LAMB2: variants seen among roughly 807,000 people sequenced by gnomAD.
LAMB2 encodes laminin subunit beta-2.
Under a neutral mutation model 202.7 loss-of-function variants are expected in LAMB2, and 119 were observed. The observed-to-expected ratio is 0.59, with a 90% CI of 0.51 to 0.68. The LOEUF (loss-of-function observed/expected upper bound fraction) is 0.68. Among genes scored for constraint, LAMB2 ranks in the 30% least tolerant of loss-of-function variants. LAMB2 has a pLI of 0.00. For synonymous variants in LAMB2, 818 were observed against 902.2 expected (o/e 0.91, Z 1.67); for missense variants, 2,124 against 2,410.6 (o/e 0.88, Z 2.49).
In LAMB2 at chr3:49,121,695, C is replaced by G; in HGVS notation, c.5089G>C (p.Glu1697Gln). 6.2e-7 allele frequency: 1 copy of G among 1,614,104 alleles called. No homozygotes were observed. Among genetic ancestry groups the G allele is most frequent in the Non-Finnish European group, 8.5e-7 (1 of 1,180,032 alleles). Reference protein sequence around the residue: ...TAGSAQGRAQEAEQLLRGPLG... With the variant: ...TAGSAQGRAQQAEQLLRGPLG... ...CTGCCTCAACCCACCTGCTCAGCCT[C>G]CTGGGCACGACCCTGGGCACTGCCT... The change falls in exon 30 of 32, where the codon GAG (glutamate) becomes CAG (glutamine). Residue 1697 changes from glutamate (E) to glutamine (Q), a missense_variant. Transcript: ENST00000305544.
At position 49,121,405 on chromosome 3, in the gene LAMB2, CTT is replaced by C. The variant is rs2045230445; in HGVS notation, c.5260+26_5260+27del. On this transcript the variant is annotated intron_variant, in intron 31 of 31. Coordinates refer to ENST00000305544, the MANE Select transcript of LAMB2 (RefSeq NM_002292.4). ...CAGTTTAGGGGGGGTTTCCCGCAGT[CTT>C]GTGTCTCTGGTGCCCCATTTCTTAC... 3 of 1,614,132 alleles carry C rather than the reference CTT, an allele frequency of 1.9e-6. No individual in the cohort carries two copies. In the East Asian group the frequency reaches 6.7e-5, roughly 36 times the overall value.
chr3:49,125,075 AGTGCC>A lies in LAMB2; in HGVS notation c.2810_2814del (p.Arg937LeufsTer9). On this transcript the variant is annotated frameshift_variant, in exon 20 of 32. Transcript: ENST00000305544. LOFTEE classifies it high-confidence loss of function. ...TCATCCTGGTGGCAAGAAGTAGCAA[AGTGCC>A]GTTGGCTCCCAGGGCCTTCAGGACA... 1 of 1,613,940 alleles carries A rather than the reference AGTGCC, an allele frequency of 6.2e-7. No individual in the cohort carries two copies. The highest frequency in any genetic ancestry group is 8.5e-7 in the Non-Finnish European group (1 of 1,180,034).
In LAMB2 at chr3:49,131,874, G is replaced by T; in HGVS notation, c.460-151C>A. ...AGCCAGATAATGACCAGCAAAGGTA[G>T]CCACCTCTAATGGGGAGACTCAGGG... On this transcript the variant is annotated intron_variant, in intron 4 of 31. Coordinates refer to ENST00000305544, the MANE Select transcript of LAMB2 (RefSeq NM_002292.4). The surrounding 1 kb of genome is among the most constrained non-coding windows in gnomAD (Gnocchi z 5.0). The T allele has an allele frequency of 2.1e-6, 2 of 945,356 alleles. No individual in the cohort carries two copies. The highest frequency in any genetic ancestry group is 3.3e-6 in the Non-Finnish European group (2 of 612,706). 58.6% of individuals were successfully genotyped at this position (945,356 alleles called of 1,614,324 possible).
Position 49,131,602 on chromosome 3 carries a change from G to A in LAMB2, c.581C>T (p.Pro194Leu). The A allele has an allele frequency of 1.2e-6, 2 of 1,613,816 alleles. No individual in the cohort carries two copies. Among genetic ancestry groups the A allele is most frequent in the South Asian group, 2.2e-5 (2 of 91,088 alleles). ...ADFPGVPLAP[P>L]RHWDDVVCES... ...ACAGACTACATCATCCCAGTGCCGT[G>A]GGGGTGCTAGTGGGACTCCTGGGAA... Residue 194 changes from proline (P) to leucine (L), a missense_variant, in exon 5 of 32, where the codon CCA becomes CTA. Pro to Leu is a moderately conservative substitution (Grantham distance 98). Coordinates refer to ENST00000305544, the MANE Select transcript of LAMB2 (RefSeq NM_002292.4). This position sits in a 1 kb window ranked among gnomAD's most constrained non-coding sequence, Gnocchi z 5.0.
chr3:49,122,099 G>T lies in LAMB2; in HGVS notation c.4782-14C>A. 6.2e-7 allele frequency: 1 copy of T among 1,613,344 alleles called. No individual in the cohort carries two copies. The highest frequency in any genetic ancestry group is 8.5e-7 in the Non-Finnish European group (1 of 1,180,036). ...TCAGCCCAGCTCCTGGGGAGAAGGG[G>T]GAATCAGAACCTGGAGGTATCAAAA... is the stretch of plus-strand genomic sequence containing the variant. On this transcript the variant is annotated splice_polypyrimidine_tract_variant and intron_variant, in intron 28 of 31. Transcript: ENST00000305544.
chr3:49,128,639 A>G, intron 14 of LAMB2, 22 bp downstream of exon 14: 1 of 1,614,210 alleles, frequency 6.2e-7, no homozygotes, highest in Non-Finnish European at 8.5e-7. Context: ...GTTCAGCCCC[A>G]GATTAGATAA....
In LAMB2 at chr3:49,124,615, G is replaced by A. The variant is rs2045390515; in HGVS notation, c.3110-3C>T. The A allele has an allele frequency of 1.9e-6, 3 of 1,613,654 alleles. No homozygotes were observed. Among genetic ancestry groups the A allele is most frequent in the Non-Finnish European group, 8.5e-7 (1 of 1,179,880 alleles). The stretch of plus-strand genomic sequence containing the variant: ...GCCCAGCAGGTTGCATGTGCAGCCT[G>A]TGCCAACCAAGATGAGCACAGTAGT... On this transcript the variant is annotated splice_region_variant and splice_polypyrimidine_tract_variant and intron_variant, in intron 21 of 31. Transcript: ENST00000305544.
In LAMB2 at chr3:49,126,255, C is replaced by G. The variant is rs879066385; in HGVS notation, c.2152-96G>C. 9 of 1,601,224 alleles carry G rather than the reference C, an allele frequency of 5.6e-6. No homozygotes were observed. The South Asian group carries it at 1.0e-4, about 18-fold the overall frequency. ...TAGCACTGCCACAAGCCTGCCCACC[C>G]TGGCACCACCATGGGCCTGCCTCTT... On this transcript the variant is annotated intron_variant, in intron 16 of 31. Coordinates refer to ENST00000305544, the MANE Select transcript of LAMB2 (RefSeq NM_002292.4).
chr3:49,122,150 G>C lies in LAMB2; in HGVS notation c.4781+13C>G, dbSNP rs753015533. On this transcript the variant is annotated intron_variant, in intron 28 of 31. Transcript: ENST00000305544. ...CCAGGTGTCAGGGATAGGGGCCAGG[G>C]ATGGGGTCAGACCTTGCCCGCCGTG... is the stretch of plus-strand genomic sequence containing the variant. 3 of 1,613,524 alleles carry C rather than the reference G, an allele frequency of 1.9e-6. No individual in the cohort carries two copies. Among genetic ancestry groups the C allele is most frequent in the Non-Finnish European group, 2.5e-6 (3 of 1,180,008 alleles).
intron 13 of LAMB2, 22 bp downstream of exon 13, chr3:49,128,998 T>C (rs1345618183): frequency 6.2e-7 from 1 of 1,605,782 alleles, no homozygotes; most frequent in Admixed American, 1.7e-5. Flanking sequence ...TCCAGCCCTC[T>C]GCTTAGGGGG....
At chr3:49,128,310 C>A in intron 15 of LAMB2, 148 bp downstream of exon 15, 2 of 1,064,052 alleles carry the variant, frequency 1.9e-6, no homozygotes, top group East Asian at 2.6e-5. Context: ...AGAGCCATGC[C>A]CAACAGGGCC....
Position 49,125,453 on chromosome 3 carries a change from G to A in LAMB2, c.2520C>T (p.Ser840=), listed in dbSNP as rs1156297091. ...GCCCACTGGTCTTTTCACAGAGACT[G>A]CTGAGTGCCCCCTCGTGGCTGCACT... is the stretch of plus-strand genomic sequence containing the variant. ...ACQCSHEGAL[S]SLCEKTSGQC... Residue 840 remains serine, a synonymous_variant, in exon 19 of 32, where the codon AGC becomes AGT. Coordinates refer to ENST00000305544, the MANE Select transcript of LAMB2 (RefSeq NM_002292.4). The A allele has an allele frequency of 1.2e-6, 2 of 1,611,474 alleles. No homozygotes were observed. Among genetic ancestry groups the A allele is most frequent in the Non-Finnish European group, 1.7e-6 (2 of 1,178,994 alleles).
chr3:49,128,703 C>T lies in LAMB2; in HGVS notation c.1848G>A (p.Pro616=), dbSNP rs757921128. The change falls in exon 14 of 32, where the codon CCG becomes CCA. Residue 616 remains proline (P), a synonymous_variant. Coordinates refer to ENST00000305544, the MANE Select transcript of LAMB2 (RefSeq NM_002292.4). The stretch of plus-strand genomic sequence containing the variant: ...GCAGCAGGTCATAGTCCATAGCCTT[C>T]GGCACAGAGGCCACCAGGAACTCCA... ...QTLEFLVASV[P]KAMDYDLLLR... is the part of the protein sequence containing the mutation. 10 of 1,614,064 alleles carry T rather than the reference C, an allele frequency of 6.2e-6. No homozygotes were observed. Among genetic ancestry groups the T allele is most frequent in the South Asian group, 3.3e-5 (3 of 91,094 alleles).
chr3:49,125,310 G>T lies in LAMB2; in HGVS notation c.2663C>A (p.Thr888Asn). 5 of 1,613,990 alleles carry T rather than the reference G, an allele frequency of 3.1e-6. No individual in the cohort carries two copies. The highest frequency in any genetic ancestry group is 4.2e-6 in the Non-Finnish European group (5 of 1,180,046). The change falls in exon 19 of 32, where the codon ACC becomes AAC. Residue 888 changes from threonine (T) to asparagine (N), a missense_variant. Thr to Asn is a moderately conservative substitution (Grantham distance 65, BLOSUM62 0). Transcript: ENST00000305544. ...GCAGCCCAGGCAAGCGCCTGTGTGG[G>T]TGTTGCACTCATCTGCATGCCCATT... ...VCNGHADECN[T>N]HTGACLGCRD...
rs2045475868 is a variant in LAMB2 at position 49,131,062 on chromosome 3, T to C, written c.803A>G (p.Glu268Gly). The change falls in exon 7 of 32, where the codon GAG becomes GGG. Residue 268 changes from glutamate (E) to glycine (G), a missense_variant. Physicochemically the swap from Glu to Gly is moderately conservative, Grantham distance 98 (BLOSUM62 -2). Transcript: ENST00000305544. This position sits in a 1 kb window ranked among gnomAD's most constrained non-coding sequence, Gnocchi z 5.0. ...CTCATAGAGGGCATAGTAGTACTTCTCTCGGATCTCCCTCCGTGGGTCGAG... is the reference window on the plus strand; with the variant it reads ...CTCATAGAGGGCATAGTAGTACTTCCCTCGGATCTCCCTCCGTGGGTCGAG... ...NLLDPRREIR[E>G]KYYYALYELV... 3 of 1,613,858 alleles carry C rather than the reference T, an allele frequency of 1.9e-6. No homozygotes were observed. In the East Asian group the frequency reaches 6.7e-5, roughly 36 times the overall value.
chr3:49,129,467 C>T lies in LAMB2; in HGVS notation c.1518+137G>A, dbSNP rs1323986182. On this transcript the variant is annotated intron_variant, in intron 11 of 31. Transcript: ENST00000305544. This position sits in a 1 kb window ranked among gnomAD's most constrained non-coding sequence, Gnocchi z 6.1. ...CAGACCACTGGCCCACATCCTTGGCCTCCCAGACCTGAGGCTTCTCAGCCA... is the reference window on the plus strand; with the variant it reads ...CAGACCACTGGCCCACATCCTTGGCTTCCCAGACCTGAGGCTTCTCAGCCA... 1 of 1,081,064 alleles carries T rather than the reference C, an allele frequency of 9.3e-7. No homozygotes were observed. 67.0% of individuals were successfully genotyped at this position (1,081,064 alleles called of 1,614,324 possible). A position where few individuals can be genotyped will look rare whatever the true frequency, so the allele number is the denominator to read the frequency against.
rs1436464528 is a variant in LAMB2 at position 49,129,897 on chromosome 3, G to A, written c.1347C>T (p.Cys449=). ...RCKEHVVGTR[C]QQCRDGFFGL... is the part of the protein sequence containing the mutation. ...CAAAGAAGCCATCACGGCATTGCTG[G>A]CAGCGAGTGCCCACCACATGTTCTT... The change falls in exon 10 of 32, where the codon TGC becomes TGT. Residue 449 remains cysteine (C), a synonymous_variant. Transcript: ENST00000305544. This position sits in a 1 kb window ranked among gnomAD's most constrained non-coding sequence, Gnocchi z 6.1. The A allele has an allele frequency of 1.1e-5, 18 of 1,614,002 alleles. No individual in the cohort carries two copies. Among genetic ancestry groups the A allele is most frequent in the East Asian group, 4.5e-5 (2 of 44,886 alleles).
chr3:49,121,196 C>T lies in LAMB2; in HGVS notation c.*30G>A. On this transcript the variant is annotated 3_prime_UTR_variant, in exon 32 of 32. Transcript: ENST00000305544. ...AGGCAGACATGCATGTGGGGCAGTG[C>T]TAGGAACTGGGGTAGGCCTTGGGCA... 6.2e-7 allele frequency: 1 copy of T among 1,611,756 alleles called. No individual in the cohort carries two copies. Among genetic ancestry groups the T allele is most frequent in the Non-Finnish European group, 8.5e-7 (1 of 1,179,854 alleles).
At position 49,130,970 on chromosome 3, in the gene LAMB2, G is replaced by C; in HGVS notation, c.895C>G (p.Pro299Ala). 6.2e-7 allele frequency: 1 copy of C among 1,614,100 alleles called. No homozygotes were observed. The highest frequency in any genetic ancestry group is 8.5e-7 in the Non-Finnish European group (1 of 1,180,032). ...CTTACCATGCCCTCAGCATGGGCTGGTGCCCCTGGGGCGGGTGCACACTCT... is the reference window on the plus strand; with the variant it reads ...CTTACCATGCCCTCAGCATGGGCTGCTGCCCCTGGGGCGGGTGCACACTCT... Reference protein sequence around the residue: ...ASECAPAPGAPAHAEGMVHGA... With the variant: ...ASECAPAPGAAAHAEGMVHGA... The change falls in exon 7 of 32, where the codon CCA becomes GCA. Residue 299 changes from proline to alanine, a missense_variant. Pro to Ala is a conservative substitution (Grantham distance 27). This residue lies in a region of LAMB2 where 256 missense variants were observed against 356.1 expected (regional missense o/e 0.72). Coordinates refer to ENST00000305544, the MANE Select transcript of LAMB2 (RefSeq NM_002292.4). The surrounding 1 kb of genome is among the most constrained non-coding windows in gnomAD (Gnocchi z 5.0).
Sources: allele counts gnomAD v4.1 joint callset, GRCh38; gene constraint gnomAD v4.1.1; regional missense constraint gnomAD v4.1.1; non-coding constraint Gnocchi (gnomAD v3.1); transcripts MANE v1.5; gene names NCBI Gene and HGNC (gene_info 2026-07-23, HGNC 2026-07-21).